The following KIAA2012 variants were observed in gnomAD, a reference collection of about 807,000 sequenced individuals.
KIAA2012 encodes KIAA2012, also known as uncharacterized protein KIAA2012.
Under a neutral mutation model 150.6 loss-of-function variants are expected in KIAA2012, and 125 were observed. That is an observed-to-expected ratio of 0.83 (90% CI 0.72 to 0.96). KIAA2012 has a LOEUF of 0.96. KIAA2012 is among the 40% of genes least tolerant of loss of function. The pLI is 0.00. For synonymous variants in KIAA2012, 462 were observed against 504.7 expected, an observed-to-expected ratio of 0.92 and a Z score of 1.13; for missense variants, 1,219 against 1,354.9, an observed-to-expected ratio of 0.90 and a Z score of 1.57.
intron 2 of KIAA2012, among the ~76,000 whole-genome samples, chr2:202,082,629 G>T (rs562786995): frequency 1.5e-4 from 22 of 151,594 alleles, no homozygotes; most frequent in African/African-American, 5.3e-4. Context: ...TAATTTTTAT[G>T]AAGTCCAACT....
intron 11 of KIAA2012, among the ~76,000 whole-genome samples, chr2:202,118,408 G>A (rs1419843015): frequency 6.6e-6 from 1 of 152,150 alleles, no homozygotes; most frequent in Non-Finnish European, 1.5e-5. Flanking sequence ...ACATTTCCCA[G>A]ATAATCTTTG....
Position 202,156,984 on chromosome 2 carries a change from C to CT in KIAA2012, c.2046+2181dup, listed in dbSNP as rs1214154088. Among the ~76,000 whole-genome samples, 7 of 152,232 alleles carry CT rather than the reference C, an allele frequency of 4.6e-5. No homozygotes were observed. In the South Asian group the frequency reaches 6.2e-4, roughly 14 times the overall value. ...GTATCCACAATGCTTTTGTATTACA[C>CT]TTTTTTTGTCCAGCAATTTTGGCAC... On this transcript the variant is annotated intron_variant, in intron 14 of 23. Transcript: ENST00000498697.
At chr2:202,138,535 G>GCC in intron 13 of KIAA2012, 27 bp downstream of exon 13, 1 of 1,503,936 alleles carries the variant, frequency 6.6e-7, no homozygotes, top group Non-Finnish European at 9.0e-7. Flanking sequence ...GAATGAGGAT[G>GCC]ACACTAGGAG....
chr2:202,079,885 T>G (rs981205520), intron 2 of KIAA2012, among the ~76,000 whole-genome samples: 4 of 152,208 alleles, frequency 2.6e-5, no homozygotes, highest in African/African-American at 9.6e-5. Flanking sequence ...AATGTGACAT[T>G]GATTAAATAA....
intron 2 of KIAA2012, among the ~76,000 whole-genome samples, chr2:202,080,199 G>A (rs1418414769): frequency 2.0e-5 from 3 of 152,180 alleles, no homozygotes; most frequent in Non-Finnish European, 4.4e-5. Context: ...TGTTTAAAAA[G>A]TGGATCTGAG....
chr2:202,178,722 AAAAT>A (rs1220786599), intron 15 of KIAA2012: 1 of 156,376 alleles, frequency 6.4e-6, no homozygotes, highest in East Asian at 1.9e-4. Context: ...TATCCAAGAC[AAAAT>A]AAATTCCAAG....
chr2:202,159,698 C>T (rs548336209), intron 14 of KIAA2012, among the ~76,000 whole-genome samples: 40 of 152,136 alleles, frequency 2.6e-4, no homozygotes, highest in African/African-American at 7.7e-4. Context: ...AAAAATTAGC[C>T]GGGCATGGTA....
chr2:202,087,376 T>C (rs959038541), intron 2 of KIAA2012, among the ~76,000 whole-genome samples: 1 of 151,698 alleles, frequency 6.6e-6, no homozygotes, highest in Non-Finnish European at 1.5e-5. Flanking sequence ...AGCCAGGCAT[T>C]GTGGCACATG....
intron 15 of KIAA2012, among the ~76,000 whole-genome samples, chr2:202,181,476 A>T (rs1048976857): frequency 1.6e-4 from 24 of 152,208 alleles, no homozygotes; most frequent in Admixed American, 7.9e-4. Context: ...TCAGCTATTC[A>T]GGAGGCTGAG....
chr2:202,153,516 C>T (rs1287116935), intron 13 of KIAA2012, among the ~76,000 whole-genome samples: 1 of 152,230 alleles, frequency 6.6e-6, no homozygotes, highest in Non-Finnish European at 1.5e-5. Flanking sequence ...TTAGAACCTT[C>T]CCTCACCATC....
chr2:202,131,409 G>A (rs938675212), intron 12 of KIAA2012, among the ~76,000 whole-genome samples: 15 of 152,208 alleles, frequency 9.9e-5, no homozygotes, highest in Non-Finnish European at 2.1e-4. Context: ...CCAAAGTGCT[G>A]GGATTACAGG....
intron 12 of KIAA2012, among the ~76,000 whole-genome samples, chr2:202,127,372 T>C (rs1052996661): frequency 6.6e-6 from 1 of 152,220 alleles, no homozygotes; most frequent in Non-Finnish European, 1.5e-5. Flanking sequence ...TTTAATCAGA[T>C]AGTTGCTCTC....
intron 12 of KIAA2012, among the ~76,000 whole-genome samples, chr2:202,133,101 T>TAAAAAAAAAAAAAAA (rs376450801): frequency 1.3e-5 from 1 of 74,182 alleles, no homozygotes; most frequent in African/African-American, 6.0e-5. Context: ...TGAGACTGTC[T>TAAAAAAAAAAAAAAA]AAAAAAAAAT....
chr2:202,178,310 G>T (rs558887079), intron 15 of KIAA2012, among the ~76,000 whole-genome samples: 88 of 152,248 alleles, frequency 5.8e-4, no homozygotes, highest in African/African-American at 2.0e-3. Flanking sequence ...TACTGTGAAC[G>T]CTTAAGATAT....
intron 14 of KIAA2012, among the ~76,000 whole-genome samples, chr2:202,157,043 A>G (rs1006213462): frequency 6.6e-5 from 10 of 152,270 alleles, no homozygotes; most frequent in African/African-American, 2.2e-4. Flanking sequence ...GTCATCCCTA[A>G]GGCCCACTTT....
chr2:202,093,467 A>G (rs906567784), intron 4 of KIAA2012, among the ~76,000 whole-genome samples: 4 of 152,134 alleles, frequency 2.6e-5, no homozygotes, highest in Non-Finnish European at 4.4e-5. Context: ...TTTTTATTTT[A>G]TATTAATTAA....
chr2:202,113,976 T>G (rs12473463), intron 11 of KIAA2012: 118,012 of 153,158 alleles, frequency 0.77, 45,786 homozygotes, highest in South Asian at 0.82. Context: ...AAGGAAAAAA[T>G]AAATGAAGTC....
intron 11 of KIAA2012, among the ~76,000 whole-genome samples, chr2:202,124,234 T>C (rs889748554): frequency 2.6e-5 from 4 of 152,086 alleles, no homozygotes; most frequent in African/African-American, 7.2e-5. Flanking sequence ...ACCCACTCAA[T>C]TGACCTCTTT....
Position 202,113,371 on chromosome 2 carries a change from C to G in KIAA2012, c.1687C>G (p.Leu563Val). Residue 563 changes from leucine (L) to valine (V), a missense_variant, in exon 11 of 24, where the codon CTG (leucine) becomes GTG (valine). Physicochemically the swap from Leu to Val is conservative, Grantham distance 32. Coordinates refer to ENST00000498697, the MANE Select transcript of KIAA2012 (RefSeq NM_001277372.4). ...SSDPTLGHFL[L>V]GPDGEKVCLS... ...CGACCCTACACTGGGACACTTCTTG[C>G]TGGGTCCAGATGGAGAAAAAGTCTG... 6.4e-7 allele frequency: 1 copy of G among 1,550,722 alleles called. No individual in the cohort carries two copies. Among genetic ancestry groups the G allele is most frequent in the South Asian group, 1.2e-5 (1 of 84,056 alleles).
Sources: gnomAD v4.1 joint callset for allele counts (sites outside exome capture counted in the v4.1 genomes callset) on GRCh38, gnomAD v4.1.1 for gene constraint, MANE v1.5 for transcripts, NCBI Gene and HGNC (gene_info 2026-07-23, HGNC 2026-07-21) for gene names.